The following BRINP3 variants were observed in gnomAD, a reference collection of about 807,000 sequenced individuals.
BRINP3 encodes the protein BMP/retinoic acid-inducible neural-specific protein 3.
Under a neutral mutation model 71.0 loss-of-function variants are expected in BRINP3, and 19 were observed. The observed-to-expected ratio is 0.27, with a 90% confidence interval of 0.19 to 0.39. The LOEUF is 0.39. Among genes scored for constraint, BRINP3 ranks in the 10% least tolerant of loss-of-function variants. The probability of loss-of-function intolerance (pLI) is 1.00; values close to 1 mark genes in which losing one functional copy is unlikely to be tolerated. For missense variants in BRINP3, 959 were observed against 940.8 expected (o/e 1.02, Z -0.25); for synonymous variants, 380 against 337.7 (o/e 1.13, Z -1.37).
At chr1:190,455,484 A>C (rs1675924268) in intron 1 of BRINP3, among the ~76,000 whole-genome samples, 1 of 152,124 alleles carries the variant, frequency 6.6e-6, no homozygotes, top group South Asian at 2.1e-4. Context: ...TATACCTATT[A>C]TAGATATATA....
chr1:190,446,580 G>A (rs185954977), intron 2 of BRINP3, among the ~76,000 whole-genome samples: 10 of 152,172 alleles, frequency 6.6e-5, no homozygotes, highest in Admixed American at 5.9e-4. Flanking sequence ...GATAAATGCC[G>A]ATATAAGAAT....
intron 2 of BRINP3, among the ~76,000 whole-genome samples, chr1:190,368,061 T>A (rs1435652107): frequency 1.3e-5 from 2 of 152,124 alleles, no homozygotes; most frequent in Middle Eastern, 3.2e-3. Flanking sequence ...AGCACCCCAC[T>A]ACCCAGCACC....
At chr1:190,139,283 C>A (rs1655229371) in intron 7 of BRINP3, among the ~76,000 whole-genome samples, 1 of 151,510 alleles carries the variant, frequency 6.6e-6, no homozygotes, top group South Asian at 2.1e-4. Context: ...CCCCCTCTGT[C>A]TCTACTAAAA....
intron 1 of BRINP3, among the ~76,000 whole-genome samples, chr1:190,460,686 C>T (rs930486577): frequency 6.6e-5 from 10 of 152,148 alleles, no homozygotes; most frequent in Non-Finnish European, 1.0e-4. Context: ...GGCATACTGC[C>T]TGTGGCCATT....
chr1:190,229,599 A>G (rs562205212), intron 5 of BRINP3, among the ~76,000 whole-genome samples: 1 of 150,666 alleles, frequency 6.6e-6, no homozygotes. Context: ...CTCAGGATTT[A>G]GTTACTAGAT....
At chr1:190,377,351 A>G (rs371133151) in intron 2 of BRINP3, among the ~76,000 whole-genome samples, 2 of 152,046 alleles carry the variant, frequency 1.3e-5, no homozygotes, top group East Asian at 1.9e-4. Flanking sequence ...TTAAAAATCA[A>G]ATCAACAAAC....
intron 7 of BRINP3, among the ~76,000 whole-genome samples, chr1:190,116,076 G>C (rs1653111955): frequency 6.6e-6 from 1 of 151,966 alleles, no homozygotes; most frequent in Non-Finnish European, 1.5e-5. Flanking sequence ...TAAAATCAGA[G>C]GAAAAATGAA....
At chr1:190,473,189 A>T (rs993260649) in intron 1 of BRINP3, among the ~76,000 whole-genome samples, 3 of 152,004 alleles carry the variant, frequency 2.0e-5, no homozygotes, top group Non-Finnish European at 4.4e-5. Context: ...CACAATGAGC[A>T]TATCTACTAC....
intron 7 of BRINP3, among the ~76,000 whole-genome samples, chr1:190,131,165 G>T (rs1654507976): frequency 7.9e-6 from 1 of 126,114 alleles, no homozygotes; most frequent in African/African-American, 3.0e-5. Flanking sequence ...ACAGTAAAAG[G>T]TTATGTGTGT....
At chr1:190,232,398 A>G (rs1168249880) in intron 5 of BRINP3, among the ~76,000 whole-genome samples, 1 of 152,080 alleles carries the variant, frequency 6.6e-6, no homozygotes, top group Non-Finnish European at 1.5e-5. Context: ...AGCCAACATT[A>G]TACTTGGATT....
rs1490676044 is a variant in BRINP3, at chr1:190,160,689, A to C, written c.1163T>G (p.Leu388Arg). 2 of 1,613,098 alleles carry C rather than the reference A, an allele frequency of 1.2e-6. No individual in the cohort carries two copies. Among genetic ancestry groups the C allele is most frequent in the Non-Finnish European group, 1.7e-6 (2 of 1,179,518 alleles). ...SLSKRCHKQP[L>R]ISLPRQRTST... ...TTACCTTTGTCTTGGCAGGCTGATG[A>C]GGGGTTGTTTATGACACCTCTTGCT... is the stretch of plus-strand genomic sequence containing the variant. Residue 388 changes from leucine (L) to arginine (R), a missense_variant, in exon 7 of 8, where the codon CTC becomes CGC. By Grantham distance (102) the Leu-to-Arg change is moderately radical. Transcript: ENST00000367462.
chr1:190,103,109 T>C (rs934092718), intron 7 of BRINP3, among the ~76,000 whole-genome samples: 1 of 152,092 alleles, frequency 6.6e-6, no homozygotes, highest in Non-Finnish European at 1.5e-5. Flanking sequence ...AATATCTGAC[T>C]TTACAGCCAT....
intron 7 of BRINP3, among the ~76,000 whole-genome samples, chr1:190,127,612 C>T (rs1374609832): frequency 2.6e-5 from 4 of 151,898 alleles, no homozygotes; most frequent in African/African-American, 4.8e-5. Context: ...TCAAACTAAC[C>T]GTCACTGTGG....
chr1:190,349,902 TTAG>T (rs1400400102), intron 2 of BRINP3, among the ~76,000 whole-genome samples: 2 of 152,152 alleles, frequency 1.3e-5, no homozygotes, highest in African/African-American at 4.8e-5. Context: ...AAAGCCAGAA[TTAG>T]TATCTCCTTG....
At chr1:190,274,884 A>G (rs1662420422) in intron 3 of BRINP3, among the ~76,000 whole-genome samples, 1 of 151,708 alleles carries the variant, frequency 6.6e-6, no homozygotes, top group Non-Finnish European at 1.5e-5. Flanking sequence ...AAGCAGAACC[A>G]AACATATTAG....
chr1:190,360,671 T>C (rs1186372289), intron 2 of BRINP3, among the ~76,000 whole-genome samples: 1 of 152,166 alleles, frequency 6.6e-6, no homozygotes, highest in South Asian at 2.1e-4. Context: ...GCATTGATTT[T>C]TTTTTTAACC....
intron 7 of BRINP3, among the ~76,000 whole-genome samples, chr1:190,112,559 G>C (rs1652783635): frequency 6.6e-6 from 1 of 152,058 alleles, no homozygotes; most frequent in Non-Finnish European, 1.5e-5. Context: ...TACAGTCTTG[G>C]ATTATGAAAA....
At chr1:190,172,878 A>G (rs1299398897) in intron 6 of BRINP3, among the ~76,000 whole-genome samples, 1 of 152,150 alleles carries the variant, frequency 6.6e-6, no homozygotes, top group Admixed American at 6.6e-5. Flanking sequence ...AGCAGCTTCC[A>G]AATACCTCCC....
intron 6 of BRINP3, among the ~76,000 whole-genome samples, chr1:190,184,561 C>A (rs1653336820): frequency 6.6e-6 from 1 of 152,076 alleles, no homozygotes; most frequent in African/African-American, 2.4e-5. Context: ...ATAAAAATAG[C>A]AAAATCATTT....
Sources: allele counts gnomAD v4.1 joint callset (sites outside exome capture counted in the v4.1 genomes callset), GRCh38; gene constraint gnomAD v4.1.1; transcripts MANE v1.5; gene names NCBI Gene and HGNC (gene_info 2026-07-23, HGNC 2026-07-21).